Variants in PRDM16 observed in about 807,000 individuals in gnomAD.
PRDM16 encodes the protein PR/SET domain 16.
Under a neutral mutation model 110.6 loss-of-function variants are expected in PRDM16, and 23 were observed. That is an observed-to-expected ratio of 0.21 (90% CI 0.15 to 0.29). The LOEUF is 0.29. PRDM16 is among the 10% of genes least tolerant of loss of function. The pLI, the probability that PRDM16 is intolerant of heterozygous loss-of-function variation, is 1.00. For missense variants in PRDM16, 1,615 were observed against 1,794.3 expected, an observed-to-expected ratio of 0.90 and a Z score of 1.81; for synonymous variants, 799 against 781.8, an observed-to-expected ratio of 1.02 and a Z score of -0.37.
intron 2 of PRDM16, among the ~76,000 whole-genome samples, chr1:3,233,303 C>G (rs1261660267): frequency 1.3e-5 from 2 of 152,192 alleles, no homozygotes; most frequent in African/African-American, 4.8e-5. Context: ...AAATGGCCAG[C>G]AGTGGACCTG....
At chr1:3,093,606 C>T (rs1263503141) in intron 1 of PRDM16, among the ~76,000 whole-genome samples, 1 of 151,964 alleles carries the variant, frequency 6.6e-6, no homozygotes, top group Non-Finnish European at 1.5e-5. Context: ...TGCCTGTGGG[C>T]CCCTTAGATT....
intron 3 of PRDM16, among the ~76,000 whole-genome samples, chr1:3,294,582 C>G (rs913077649): frequency 6.6e-6 from 1 of 152,260 alleles, no homozygotes; most frequent in Non-Finnish European, 1.5e-5. Context: ...CTCCTCCCCC[C>G]AGGAACATCC....
intron 5 of PRDM16, 65 bp from the exon 6 acceptor site, chr1:3,402,726 G>A (rs955891261): frequency 6.8e-7 from 1 of 1,466,422 alleles, no homozygotes; most frequent in African/African-American, 1.4e-5. Flanking sequence ...GGTCTCCAGA[G>A]TCCCCTGATA....
At chr1:3,200,336 AT>A (rs113899911) in intron 2 of PRDM16, among the ~76,000 whole-genome samples, 3 of 150,762 alleles carry the variant, frequency 2.0e-5, no homozygotes, top group African/African-American at 4.9e-5. Flanking sequence ...CTTAAGGTGG[AT>A]TTTTTTTTTA....
chr1:3,076,944 C>T (rs1030701167), intron 1 of PRDM16, among the ~76,000 whole-genome samples: 1 of 152,176 alleles, frequency 6.6e-6, no homozygotes, highest in Non-Finnish European at 1.5e-5. Flanking sequence ...GAGCACACAT[C>T]TCGGGGTATG....
chr1:3,161,381 A>G (rs1439912527), intron 1 of PRDM16, among the ~76,000 whole-genome samples: 2 of 152,226 alleles, frequency 1.3e-5, no homozygotes, highest in East Asian at 3.8e-4. Flanking sequence ...GTGGTTTCCC[A>G]CATCTTGTCA....
At chr1:3,094,704 G>A (rs1443161591) in intron 1 of PRDM16, among the ~76,000 whole-genome samples, 1 of 152,256 alleles carries the variant, frequency 6.6e-6, no homozygotes, top group Non-Finnish European at 1.5e-5. Context: ...GACATTCTGT[G>A]AGCACCGGCC....
At chr1:3,098,727 G>A (rs1049156256) in intron 1 of PRDM16, among the ~76,000 whole-genome samples, 2 of 152,202 alleles carry the variant, frequency 1.3e-5, no homozygotes, top group African/African-American at 4.8e-5. Context: ...AAGGAACAAG[G>A]GGGTTTTCAG....
Position 3,382,569 on chromosome 1 carries a change from C to G in PRDM16, c.439-2583C>G, listed in dbSNP as rs947106330. On this transcript the variant is annotated intron_variant, in intron 3 of 16. Coordinates refer to ENST00000270722, the MANE Select transcript of PRDM16 (RefSeq NM_022114.4). This position sits in a 1 kb window ranked among gnomAD's most constrained non-coding sequence, Gnocchi z 6.6. The stretch of plus-strand genomic sequence containing the variant: ...CCCACCAAAGCGAGGCTTGAGCCAG[C>G]CGGGGCCCAGAACAGGGGGAAGGTG... 1.5e-4 allele frequency among the ~76,000 whole-genome samples: 23 copies of G among 152,190 alleles called. No homozygotes were observed. The highest frequency in any genetic ancestry group is 5.9e-4 in the Admixed American group (9 of 15,286).
intron 3 of PRDM16, among the ~76,000 whole-genome samples, chr1:3,365,942 A>ACG (rs577139488): frequency 7.7e-5 from 7 of 90,542 alleles, no homozygotes; most frequent in Admixed American, 3.6e-4. Context: ...ATGCACACAA[A>ACG]CGCACACGCA....
intron 1 of PRDM16, among the ~76,000 whole-genome samples, chr1:3,097,998 G>A (rs902571461): frequency 3.9e-5 from 6 of 152,164 alleles, no homozygotes; most frequent in African/African-American, 1.4e-4. Context: ...CAACAGGGCA[G>A]GTGTCCAATG....
intron 1 of PRDM16, among the ~76,000 whole-genome samples, chr1:3,182,007 A>G (rs79366678): frequency 0.055 from 8,390 of 152,236 alleles, 252 homozygotes; most frequent in Admixed American, 0.071. Flanking sequence ...TCACATGCTT[A>G]CACACACTGT....
intron 3 of PRDM16, among the ~76,000 whole-genome samples, chr1:3,292,231 C>T (rs1396445060): frequency 1.3e-5 from 2 of 152,202 alleles, no homozygotes; most frequent in Admixed American, 6.5e-5. Context: ...TGCCGTGGCC[C>T]GGCCTCAAGT....
In PRDM16 at chr1:3,181,412, AGTCTTACACACGCG is replaced by A. The variant is rs1464581210; in HGVS notation, c.38-4702_38-4689del. 4.4e-3 allele frequency among the ~76,000 whole-genome samples: 118 copies of A among 26,608 alleles called. 13 individuals carry two copies. Among genetic ancestry groups the A allele is most frequent in the African/African-American group, 9.0e-3 (108 of 12,052 alleles). The allele number at this position is 26,608 out of a possible 152,430, so 17.5% of individuals were successfully genotyped here. On this transcript the variant is annotated intron_variant, in intron 1 of 16. Transcript: ENST00000270722. ...GCCTTACGCATGGTCTTACACACGC[AGTCTTACACACGCG>A]GTCTTACACAAGCAGTCTTACACGG...
chr1:3,092,712 C>T (rs1162103672), intron 1 of PRDM16, among the ~76,000 whole-genome samples: 3 of 152,236 alleles, frequency 2.0e-5, no homozygotes, highest in East Asian at 1.9e-4. Context: ...CTGGGCACCC[C>T]CGGTCTGGGC....
chr1:3,278,296 AG>A (rs1169687730), intron 3 of PRDM16, among the ~76,000 whole-genome samples: 1 of 152,140 alleles, frequency 6.6e-6, no homozygotes, highest in African/African-American at 2.4e-5. Context: ...GTGTGGATAA[AG>A]GGGCGTCTTT....
At chr1:3,092,285 C>G (rs527931483) in intron 1 of PRDM16, among the ~76,000 whole-genome samples, 2 of 149,918 alleles carry the variant, frequency 1.3e-5, no homozygotes, top group African/African-American at 4.9e-5. Context: ...ACGAGGGCTG[C>G]TCTTCGTGAG....
At position 3,431,143 on chromosome 1, in the gene PRDM16, G is replaced by A. The variant is rs1287121707; in HGVS notation, c.3521+35G>A. ...GCCGTGTGCTCCAGGATGGGGCAGG[G>A]AGGGAACGTGGGCGTCCATCACGAG... On this transcript the variant is annotated intron_variant, in intron 15 of 16. Coordinates refer to ENST00000270722, the MANE Select transcript of PRDM16 (RefSeq NM_022114.4). 8.4e-6 allele frequency: 13 copies of A among 1,540,650 alleles called. No individual in the cohort carries two copies. In the Admixed American group the frequency reaches 9.8e-5, roughly 12 times the overall value.
chr1:3,069,823 G>A lies in PRDM16; in HGVS notation c.37+527G>A, dbSNP rs1396987849. The stretch of plus-strand genomic sequence containing the variant: ...CGTCCGCCAGCCGGGCGCAGAGGAG[G>A]GAGACCCCGAGCCGGGGAGGGGCGG... On this transcript the variant is annotated intron_variant, in intron 1 of 16. Transcript: ENST00000270722. This position sits in a 1 kb window ranked among gnomAD's most constrained non-coding sequence, Gnocchi z 6.1. Among the ~76,000 whole-genome samples the A allele has an allele frequency of 6.6e-6, 1 of 152,042 alleles. No homozygotes were observed. Among genetic ancestry groups the A allele is most frequent in the African/African-American group, 2.4e-5 (1 of 41,432 alleles).
Sources: allele counts gnomAD v4.1 joint callset (sites outside exome capture counted in the v4.1 genomes callset), GRCh38; gene constraint gnomAD v4.1.1; non-coding constraint Gnocchi (gnomAD v3.1); transcripts MANE v1.5; gene names NCBI Gene and HGNC (gene_info 2026-07-23, HGNC 2026-07-21).